The following CNTN4 variants were observed in gnomAD, a reference collection of about 807,000 sequenced individuals.
The protein encoded by CNTN4 is contactin 4.
Under a neutral mutation model 122.5 loss-of-function variants are expected in CNTN4, and 77 were observed. The observed-to-expected ratio is 0.63, with a 90% CI of 0.52 to 0.76. CNTN4 has a LOEUF of 0.76. Ranked by LOEUF, CNTN4 falls within the 30% of genes least tolerant of loss-of-function variation. The pLI is 0.00. For missense variants in CNTN4, 1,256 were observed against 1,259.1 expected (o/e 1.00, Z 0.04); for synonymous variants, 512 against 447.0 (o/e 1.15, Z -1.83).
At chr3:2,710,743 A>G (rs2149335530) in intron 4 of CNTN4, among the ~76,000 whole-genome samples, 1 of 152,336 alleles carries the variant, frequency 6.6e-6, no homozygotes, top group African/African-American at 2.4e-5. Context: ...TAATTTCATA[A>G]AGTTTGTTAC....
chr3:2,294,435 A>G (rs1338467083), intron 2 of CNTN4, among the ~76,000 whole-genome samples: 2 of 152,114 alleles, frequency 1.3e-5, no homozygotes, highest in African/African-American at 4.8e-5. Context: ...GTTTGAGTCC[A>G]GCCTGGACAA....
intron 4 of CNTN4, among the ~76,000 whole-genome samples, chr3:2,578,359 T>C (rs940894162): frequency 2.0e-5 from 3 of 152,164 alleles, no homozygotes; most frequent in African/African-American, 7.2e-5. Flanking sequence ...TTTTTCTATC[T>C]ACTCAGAATA....
At chr3:2,309,795 A>G (rs1274554936) in intron 2 of CNTN4, among the ~76,000 whole-genome samples, 1 of 152,198 alleles carries the variant, frequency 6.6e-6, no homozygotes, top group Non-Finnish European at 1.5e-5. Context: ...ATGTCTAATG[A>G]GCACATGGAA....
chr3:2,313,903 A>T (rs1250381838), intron 2 of CNTN4, among the ~76,000 whole-genome samples: 1 of 152,036 alleles, frequency 6.6e-6, no homozygotes, highest in African/African-American at 2.4e-5. Context: ...AAGAGATGAA[A>T]AAGGAATAAC....
At chr3:2,560,174 C>G (rs1012486597) in intron 3 of CNTN4, among the ~76,000 whole-genome samples, 1 of 151,170 alleles carries the variant, frequency 6.6e-6, no homozygotes, top group African/African-American at 2.4e-5. Flanking sequence ...GGGTTTCACT[C>G]CCATCACCCA....
intron 4 of CNTN4, among the ~76,000 whole-genome samples, chr3:2,600,008 C>CTTTTTTTTTTTT (rs71058630): frequency 7.2e-5 from 3 of 41,756 alleles, no homozygotes; most frequent in Non-Finnish European, 1.2e-4. Context: ...TGGAATTCTT[C>CTTTTTTTTTTTT]TTTTTTTTTT....
rs145410135 is a variant in CNTN4, at chr3:3,020,526, T to A, written c.1487-5576T>A. On this transcript the variant is annotated intron_variant, in intron 14 of 24. Transcript: ENST00000418658. ...TCATAGGCTCTTCAAGACAGTAGGCTTTTTCCAGCCTGGCTGGCCACTAGC... is the reference window on the plus strand; with the variant it reads ...TCATAGGCTCTTCAAGACAGTAGGCATTTTCCAGCCTGGCTGGCCACTAGC... Among the ~76,000 whole-genome samples the A allele has an allele frequency of 8.3e-3, 1,258 of 152,190 alleles. 15 individuals are homozygous for A. Among genetic ancestry groups the A allele is most frequent in the African/African-American group, 0.029 (1,191 of 41,526 alleles).
intron 14 of CNTN4, among the ~76,000 whole-genome samples, chr3:3,009,623 C>T (rs541241827): frequency 7.6e-4 from 116 of 151,936 alleles, no homozygotes; most frequent in African/African-American, 2.3e-3. Context: ...TTAGTAGAGA[C>T]GGGGTTTCAC....
chr3:2,610,100 A>C (rs903929820), intron 4 of CNTN4, among the ~76,000 whole-genome samples: 13 of 152,302 alleles, frequency 8.5e-5, no homozygotes, highest in Admixed American at 3.3e-4. Flanking sequence ...GTAAATACAA[A>C]ATGCCAGGTT....
chr3:2,372,808 T>C (rs1043344224), intron 3 of CNTN4, among the ~76,000 whole-genome samples: 2 of 152,140 alleles, frequency 1.3e-5, no homozygotes, highest in African/African-American at 4.8e-5. Flanking sequence ...TTCGGCACTT[T>C]GGGAGGCTGA....
chr3:2,756,519 A>G (rs1488866252), intron 6 of CNTN4, among the ~76,000 whole-genome samples: 1 of 152,222 alleles, frequency 6.6e-6, no homozygotes, highest in Non-Finnish European at 1.5e-5. Flanking sequence ...CTATTGTGTT[A>G]TAGCAGCCCT....
Position 2,487,757 on chromosome 3 carries a change from A to G in CNTN4, c.-88-83659A>G, listed in dbSNP as rs572430069. On this transcript the variant is annotated intron_variant, in intron 3 of 24. Transcript: ENST00000418658. ...TTGTAATTTTTGAAATACATGAGAA[A>G]CTGTCGTTTACGCTTTCCTTTCATT... is the stretch of plus-strand genomic sequence containing the variant. Among the ~76,000 whole-genome samples, 29 of 152,284 alleles carry G rather than the reference A, an allele frequency of 1.9e-4. 1 individual carries two copies. In the South Asian group the frequency reaches 2.5e-3, roughly 13 times the overall value.
rs1291911208 is a variant in CNTN4 at position 2,225,693 on chromosome 3, T to A, written c.-144-113485T>A. Among the ~76,000 whole-genome samples, 6 of 152,234 alleles carry A rather than the reference T, an allele frequency of 3.9e-5. 1 individual carries two copies. The highest frequency in any genetic ancestry group is 3.9e-4 in the Admixed American group (6 of 15,282). Reference sequence around the variant, plus strand: ...TCATTGATCTAAACTTATTCTTTACTGTGCTGCTCTTTTTACTGTTCACGT... The same window carrying A: ...TCATTGATCTAAACTTATTCTTTACAGTGCTGCTCTTTTTACTGTTCACGT... On this transcript the variant is annotated intron_variant, in intron 2 of 24. Coordinates refer to ENST00000418658, the MANE Select transcript of CNTN4 (RefSeq NM_175607.3).
At chr3:2,445,075 T>C (rs1398144670) in intron 3 of CNTN4, among the ~76,000 whole-genome samples, 1 of 151,902 alleles carries the variant, frequency 6.6e-6, no homozygotes, top group Non-Finnish European at 1.5e-5. Flanking sequence ...CGTGATTGAG[T>C]GTCCATTTAA....
intron 2 of CNTN4, among the ~76,000 whole-genome samples, chr3:2,204,022 C>T (rs995062864): frequency 1.3e-4 from 19 of 151,960 alleles, no homozygotes; most frequent in African/African-American, 3.6e-4. Context: ...ATATATATTC[C>T]AAAGATTATC....
At position 2,380,057 on chromosome 3, in the gene CNTN4, CAAAA is replaced by C. The variant is rs5846182; in HGVS notation, c.-89+40839_-89+40842del. 5.2e-3 allele frequency among the ~76,000 whole-genome samples: 621 copies of C among 119,804 alleles called. 5 individuals are homozygous for C. The highest frequency in any genetic ancestry group is 0.018 in the African/African-American group (569 of 32,218). 78.6% of individuals were successfully genotyped at this position (119,804 alleles called of 152,430 possible). ...GGTCAACAAGAGTGAAACTCCATCTCAAAAAAAAAAAAAAAAAATCATAGGGTTT... is the reference window on the plus strand; with the variant it reads ...GGTCAACAAGAGTGAAACTCCATCTCAAAAAAAAAAAAAATCATAGGGTTT... On this transcript the variant is annotated intron_variant, in intron 3 of 24. Coordinates refer to ENST00000418658, the MANE Select transcript of CNTN4 (RefSeq NM_175607.3).
At chr3:2,476,988 T>G (rs1476110998) in intron 3 of CNTN4, among the ~76,000 whole-genome samples, 1 of 152,186 alleles carries the variant, frequency 6.6e-6, no homozygotes, top group Non-Finnish European at 1.5e-5. Flanking sequence ...TGCTTTCACA[T>G]TTGAGAATGA....
At chr3:2,534,232 G>C (rs970612298) in intron 3 of CNTN4, among the ~76,000 whole-genome samples, 2 of 152,058 alleles carry the variant, frequency 1.3e-5, no homozygotes, top group African/African-American at 2.4e-5. Context: ...GGTTTTTATG[G>C]TTTTAGGTCT....
In CNTN4 at chr3:2,738,709, T is replaced by C. The variant is rs143889060; in HGVS notation, c.182+2368T>C. ...TGTACTAGACAATGGATTGTCTATA[T>C]GGTTAAAGAAATAAAATTGGAACCC... is the stretch of plus-strand genomic sequence containing the variant. On this transcript the variant is annotated intron_variant, in intron 5 of 24. Coordinates refer to ENST00000418658, the MANE Select transcript of CNTN4 (RefSeq NM_175607.3). Among the ~76,000 whole-genome samples the C allele has an allele frequency of 5.3e-5, 8 of 152,258 alleles. 1 individual carries two copies. Among genetic ancestry groups the C allele is most frequent in the Middle Eastern group, 3.4e-3 (1 of 294 alleles).
Sources: allele counts gnomAD v4.1 joint callset (sites outside exome capture counted in the v4.1 genomes callset), GRCh38; gene constraint gnomAD v4.1.1; transcripts MANE v1.5; gene names NCBI Gene and HGNC (gene_info 2026-07-23, HGNC 2026-07-21).